Variants in DYNC2H1 observed in about 807,000 individuals in gnomAD.
DYNC2H1 encodes the protein dynein cytoplasmic 2 heavy chain 1, also known as cytoplasmic dynein 2 heavy chain 1.
A neutral mutation model predicts 570.0 loss-of-function variants in DYNC2H1; 410 were observed. The observed-to-expected ratio is 0.72, with a 90% confidence interval of 0.66 to 0.78. DYNC2H1 has a LOEUF of 0.78. Among genes scored for constraint, DYNC2H1 ranks in the 30% least tolerant of loss-of-function variants. DYNC2H1 has a pLI of 0.00. For missense variants in DYNC2H1, 4,865 were observed against 5,046.4 expected (o/e 0.96, Z 1.09); for synonymous variants, 1,688 against 1,677.6 (o/e 1.01, Z -0.15).
At chr11:103,372,690 T>C (rs2671370) in intron 83 of DYNC2H1, among the ~76,000 whole-genome samples, 49,944 of 152,032 alleles carry the variant, frequency 0.33, 9,985 homozygotes, top group Non-Finnish European at 0.44. Flanking sequence ...GTTTGCTTTT[T>C]CTTTGCTGTG....
chr11:103,428,368 A>G (rs540808087), intron 84 of DYNC2H1, among the ~76,000 whole-genome samples: 63 of 152,224 alleles, frequency 4.1e-4, no homozygotes, highest in Non-Finnish European at 6.0e-4. Flanking sequence ...TCTATATTCA[A>G]TGAGCTCAAT....
chr11:103,361,180 A>G (rs1279137183), intron 83 of DYNC2H1, among the ~76,000 whole-genome samples: 2 of 152,220 alleles, frequency 1.3e-5, no homozygotes, highest in African/African-American at 4.8e-5. Context: ...CTTAACTCTC[A>G]AAGTGATGGT....
chr11:103,307,260 A>G lies in DYNC2H1; in HGVS notation c.11383-461A>G, dbSNP rs113648532. On this transcript the variant is annotated intron_variant, in intron 77 of 88. Transcript: ENST00000375735. ...CTAAAAATTGTAAATAAGGGAATTA[A>G]TATCATTATATAACTCTGTAGAAGC... 1.9e-3 allele frequency among the ~76,000 whole-genome samples: 289 copies of G among 152,288 alleles called. 3 individuals are homozygous for G. Among genetic ancestry groups the G allele is most frequent in the African/African-American group, 6.6e-3 (275 of 41,578 alleles).
At chr11:103,302,805 A>G (rs1039490134) in intron 75 of DYNC2H1, among the ~76,000 whole-genome samples, 7 of 152,074 alleles carry the variant, frequency 4.6e-5, no homozygotes, top group African/African-American at 7.2e-5. Flanking sequence ...TGTGGTCTCA[A>G]TTTACAACAC....
At chr11:103,396,474 A>AGC (rs1942399467) in intron 83 of DYNC2H1, among the ~76,000 whole-genome samples, 1 of 152,204 alleles carries the variant, frequency 6.6e-6, no homozygotes, top group Non-Finnish European at 1.5e-5. Flanking sequence ...TTTACGGATG[A>AGC]ACATGCTAAA....
At chr11:103,408,367 T>C (rs777720698) in intron 84 of DYNC2H1, 45 of 152,144 alleles carry the variant, frequency 3.0e-4, no homozygotes, top group Non-Finnish European at 4.9e-4. Context: ...AGGTGGTTAA[T>C]TACAGGCATA....
chr11:103,390,458 C>T (rs1273957603), intron 83 of DYNC2H1, among the ~76,000 whole-genome samples: 2 of 151,946 alleles, frequency 1.3e-5, no homozygotes, highest in South Asian at 4.2e-4. Context: ...TCCAATTTAC[C>T]AGTCTGTGTC....
At chr11:103,430,349 T>C (rs1943843896) in intron 84 of DYNC2H1, among the ~76,000 whole-genome samples, 1 of 152,148 alleles carries the variant, frequency 6.6e-6, no homozygotes, top group Non-Finnish European at 1.5e-5. Context: ...TATAAAAGTC[T>C]TAATGTAGAT....
intron 75 of DYNC2H1, 119 bp downstream of exon 75, chr11:103,287,724 GTTTA>G: frequency 1.2e-6 from 1 of 832,054 alleles, no homozygotes; most frequent in South Asian, 2.4e-5. Context: ...TATTCATTCT[GTTTA>G]TTTATCTTCC....
At chr11:103,197,144 A>T (rs1862535188) in intron 47 of DYNC2H1, among the ~76,000 whole-genome samples, 2 of 151,944 alleles carry the variant, frequency 1.3e-5, no homozygotes, top group African/African-American at 4.8e-5. Context: ...TTTTTTTTTA[A>T]ACATTAGGGC....
intron 36 of DYNC2H1, among the ~76,000 whole-genome samples, chr11:103,174,688 G>A (rs1387315951): frequency 2.0e-5 from 3 of 152,122 alleles, no homozygotes; most frequent in East Asian, 3.8e-4. Flanking sequence ...GGTTATAAAT[G>A]TTTGGAAAGA....
chr11:103,479,453 TAAAAC>T lies in DYNC2H1; in HGVS notation c.*202_*206del, dbSNP rs1945675812. On this transcript the variant is annotated 3_prime_UTR_variant, in exon 89 of 89. Coordinates refer to ENST00000375735, the MANE Select transcript of DYNC2H1 (RefSeq NM_001377.3). The stretch of plus-strand genomic sequence containing the variant: ...AGTAATAAATTAATGGAGTTATTGT[TAAAAC>T]AGAGTATTCTTTTGACAACATTAAA... 1 of 463,662 alleles carries T rather than the reference TAAAAC, an allele frequency of 2.2e-6. No individual in the cohort carries two copies. Among genetic ancestry groups the T allele is most frequent in the Non-Finnish European group, 3.5e-6 (1 of 287,158 alleles). 28.7% of individuals were successfully genotyped at this position (463,662 alleles called of 1,614,324 possible).
rs1239627998 is a variant in DYNC2H1 at position 103,319,669 on chromosome 11, A to G, written c.11726-1360A>G. Among the ~76,000 whole-genome samples the G allele has an allele frequency of 1.3e-5, 2 of 152,218 alleles. No individual in the cohort carries two copies. The highest frequency in any genetic ancestry group is 4.8e-5 in the African/African-American group (2 of 41,466). On this transcript the variant is annotated intron_variant, in intron 80 of 88. Coordinates refer to ENST00000375735, the MANE Select transcript of DYNC2H1 (RefSeq NM_001377.3). The surrounding 1 kb of genome is among the most constrained non-coding windows in gnomAD (Gnocchi z 4.3). ...TTGTTTTGAGAAAAATAGGTAGAAA[A>G]AAATAAGATTTTCTTATAAAAATTC...
intron 84 of DYNC2H1, chr11:103,403,737 T>C (rs866372517): frequency 6.6e-6 from 1 of 152,042 alleles, no homozygotes; most frequent in Non-Finnish European, 1.5e-5. Flanking sequence ...GGTATCTCTA[T>C]TGGGAGAACT....
At chr11:103,447,596 T>G (rs979591304) in intron 85 of DYNC2H1, among the ~76,000 whole-genome samples, 2 of 152,148 alleles carry the variant, frequency 1.3e-5, no homozygotes, top group African/African-American at 4.8e-5. Context: ...ATTACCACAT[T>G]CATCAAATTC....
intron 82 of DYNC2H1, among the ~76,000 whole-genome samples, chr11:103,329,924 T>G (rs1938691672): frequency 6.6e-6 from 1 of 152,214 alleles, no homozygotes; most frequent in African/African-American, 2.4e-5. Flanking sequence ...TTTCTAGAAT[T>G]ACTCTTGCCA....
intron 84 of DYNC2H1, among the ~76,000 whole-genome samples, chr11:103,424,971 T>TGTC (rs1943616343): frequency 6.6e-6 from 1 of 152,218 alleles, no homozygotes; most frequent in South Asian, 2.1e-4. Context: ...GGTCTCACTC[T>TGTC]GTCACCTAGG....
At chr11:103,454,285 C>T (rs764147516) in intron 85 of DYNC2H1, among the ~76,000 whole-genome samples, 3 of 152,050 alleles carry the variant, frequency 2.0e-5, no homozygotes, top group African/African-American at 4.8e-5. Flanking sequence ...GGATTCTGTA[C>T]GTTTTTAATC....
intron 84 of DYNC2H1, among the ~76,000 whole-genome samples, chr11:103,433,941 G>A (rs1375090124): frequency 6.6e-6 from 1 of 152,100 alleles, no homozygotes; most frequent in African/African-American, 2.4e-5. Context: ...AAGATGGAAA[G>A]GCTAACGTCC....
Sources: gnomAD v4.1 joint callset for allele counts (sites outside exome capture counted in the v4.1 genomes callset) on GRCh38, gnomAD v4.1.1 for gene constraint, Gnocchi (gnomAD v3.1) non-coding constraint, MANE v1.5 for transcripts, NCBI Gene and HGNC (gene_info 2026-07-23, HGNC 2026-07-21) for gene names.